Variants in KAT6A observed in about 807,000 individuals in gnomAD.
KAT6A encodes histone acetyltransferase KAT6A.
Under a neutral mutation model 198.4 loss-of-function variants are expected in KAT6A, and 9 were observed. The observed-to-expected ratio is 0.05, with a 90% CI of 0.03 to 0.08. The LOEUF is 0.08. Ranked by LOEUF, KAT6A falls within the 10% of genes least tolerant of loss-of-function variation. The pLI, the probability that KAT6A is intolerant of heterozygous loss-of-function variation, is 1.00. For synonymous variants in KAT6A, 890 were observed against 883.0 expected (o/e 1.01, Z -0.14); for missense variants, 2,077 against 2,509.9 (o/e 0.83, Z 3.69).
At chr8:41,937,182 T>C (rs1243460242) in intron 16 of KAT6A, 74 bp downstream of exon 16, 1 of 1,182,222 alleles carries the variant, frequency 8.5e-7, no homozygotes, top group Non-Finnish European at 1.2e-6. Context: ...GCCTTTTTAC[T>C]GAAGGGTCTG....
At position 41,934,873 on chromosome 8, in the gene KAT6A, C is replaced by T. The variant is rs1408041688; in HGVS notation, c.3353-6G>A. The T allele has an allele frequency of 6.4e-7, 1 of 1,573,916 alleles. No homozygotes were observed. The highest frequency in any genetic ancestry group is 8.6e-7 in the Non-Finnish European group (1 of 1,164,828). On this transcript the variant is annotated splice_region_variant and splice_polypyrimidine_tract_variant and intron_variant, in intron 16 of 16. Coordinates refer to ENST00000265713, the MANE Select transcript of KAT6A (RefSeq NM_006766.5). The stretch of plus-strand genomic sequence containing the variant: ...TGGCTTTAAGATAGGAGTGTCTATA[C>T]AGGAAGGAAAAAAAACAAAGACAGG...
chr8:41,982,246 A>C (rs1303153664), intron 3 of KAT6A, among the ~76,000 whole-genome samples: 3 of 152,082 alleles, frequency 2.0e-5, no homozygotes, highest in African/African-American at 7.2e-5. Flanking sequence ...ATGTGTGTAC[A>C]TATCCGGTAT....
rs539526439 is a variant in KAT6A, at chr8:42,003,895, A to C, written c.601-16332T>G. 2.0e-5 allele frequency among the ~76,000 whole-genome samples: 3 copies of C among 152,204 alleles called. 1 individual carries two copies. Among genetic ancestry groups the C allele is most frequent in the East Asian group, 1.9e-4 (1 of 5,198 alleles). On this transcript the variant is annotated intron_variant, in intron 2 of 16. Coordinates refer to ENST00000265713, the MANE Select transcript of KAT6A (RefSeq NM_006766.5). The stretch of plus-strand genomic sequence containing the variant: ...CAAAAAGGTGACCATCTGCAAGACA[A>C]GGAGAGAGGATAACCTTGCCGGTGC...
chr8:42,046,339 CA>C (rs1802292101), intron 2 of KAT6A, among the ~76,000 whole-genome samples: 1 of 152,098 alleles, frequency 6.6e-6, no homozygotes. Flanking sequence ...AGTTCGAGAC[CA>C]GCCTGGCCAA....
intron 2 of KAT6A, among the ~76,000 whole-genome samples, chr8:41,997,177 A>T (rs892052618): frequency 7.2e-5 from 11 of 152,314 alleles, no homozygotes; most frequent in Non-Finnish European, 1.3e-4. Flanking sequence ...AAAATGGTAA[A>T]TTTTTATATA....
At chr8:41,962,538 A>G (rs1285713399) in intron 8 of KAT6A, among the ~76,000 whole-genome samples, 1 of 151,774 alleles carries the variant, frequency 6.6e-6, no homozygotes, top group Non-Finnish European at 1.5e-5. Flanking sequence ...CCATGATCCA[A>G]ACACCATGTC....
intron 8 of KAT6A, among the ~76,000 whole-genome samples, chr8:41,972,344 A>G (rs993947672): frequency 1.3e-5 from 2 of 152,232 alleles, no homozygotes; most frequent in Non-Finnish European, 2.9e-5. Context: ...TGGTAGATAA[A>G]AGTTTGATGA....
chr8:42,036,215 T>C (rs1827370617), intron 2 of KAT6A, among the ~76,000 whole-genome samples: 1 of 152,026 alleles, frequency 6.6e-6, no homozygotes, highest in African/African-American at 2.4e-5. Context: ...CAGAACAGAC[T>C]ATACACAGAC....
chr8:42,017,695 C>T (rs893644624), intron 2 of KAT6A, among the ~76,000 whole-genome samples: 1 of 152,094 alleles, frequency 6.6e-6, no homozygotes, highest in African/African-American at 2.4e-5. Context: ...GCAATAAAGG[C>T]AAGGAAGCCC....
chr8:41,934,768 C>G lies in KAT6A; in HGVS notation c.3452G>C (p.Gly1151Ala). ...DTSTPLKKKK[G>A]WPKGKSRKPI... Reference sequence around the variant, plus strand: ...TTTGCGGCTCTTGCCTTTGGGCCATCCCTTTTTCTTTTTCAAAGGTGTGGA... The same window carrying G: ...TTTGCGGCTCTTGCCTTTGGGCCATGCCTTTTTCTTTTTCAAAGGTGTGGA... The change falls in exon 17 of 17, where the codon GGA (glycine) becomes GCA (alanine). Residue 1151 changes from glycine (G) to alanine (A), a missense_variant. This residue lies in a region of KAT6A where 375 missense variants were observed against 383.0 expected (regional missense o/e 0.98). Coordinates refer to ENST00000265713, the MANE Select transcript of KAT6A (RefSeq NM_006766.5). The G allele has an allele frequency of 6.2e-7, 1 of 1,614,040 alleles. No individual in the cohort carries two copies. The highest frequency in any genetic ancestry group is 8.5e-7 in the Non-Finnish European group (1 of 1,180,026).
At chr8:41,947,642 G>A (rs1587728361) in intron 11 of KAT6A, 109 bp downstream of exon 11, 1 of 829,678 alleles carries the variant, frequency 1.2e-6, no homozygotes, top group East Asian at 2.8e-5. Context: ...CAAACAGCTA[G>A]ATGACACCTA....
chr8:42,043,256 T>C (rs1411221600), intron 2 of KAT6A, among the ~76,000 whole-genome samples: 1 of 152,222 alleles, frequency 6.6e-6, no homozygotes, highest in East Asian at 1.9e-4. Flanking sequence ...GTAATATCTA[T>C]ATTTCAAAAA....
At chr8:41,979,900 G>T (rs1185885014) in intron 5 of KAT6A, among the ~76,000 whole-genome samples, 1 of 152,190 alleles carries the variant, frequency 6.6e-6, no homozygotes, top group East Asian at 1.9e-4. Context: ...ATGGGAGGCT[G>T]AGGCAGAGAA....
At chr8:42,046,278 G>A (rs1277159067) in intron 2 of KAT6A, among the ~76,000 whole-genome samples, 1 of 152,206 alleles carries the variant, frequency 6.6e-6, no homozygotes, top group Non-Finnish European at 1.5e-5. Flanking sequence ...GCTCAAGCCT[G>A]TAATCCCAAC....
chr8:41,968,299 G>C (rs1258885018), intron 8 of KAT6A, among the ~76,000 whole-genome samples: 23 of 151,812 alleles, frequency 1.5e-4, no homozygotes, highest in South Asian at 4.2e-4. Flanking sequence ...ACAACCCCAT[G>C]AAAAAGTGGG....
intron 2 of KAT6A, among the ~76,000 whole-genome samples, chr8:42,015,144 T>C (rs969370339): frequency 3.3e-5 from 5 of 152,236 alleles, no homozygotes; most frequent in Non-Finnish European, 1.5e-5. Flanking sequence ...GCCAATGTTA[T>C]CCACAAAAAC....
intron 2 of KAT6A, among the ~76,000 whole-genome samples, chr8:42,016,579 A>G (rs1826280583): frequency 6.6e-6 from 1 of 152,224 alleles, no homozygotes; most frequent in African/African-American, 2.4e-5. Flanking sequence ...TGTAAATACA[A>G]AAGTCAAACT....
chr8:41,982,862 T>C (rs935062336), intron 3 of KAT6A, among the ~76,000 whole-genome samples: 15 of 152,216 alleles, frequency 9.9e-5, no homozygotes, highest in Admixed American at 9.2e-4. Context: ...CTTTATTATA[T>C]GTATGTATGC....
At chr8:42,027,842 T>C (rs908564667) in intron 2 of KAT6A, among the ~76,000 whole-genome samples, 9 of 152,174 alleles carry the variant, frequency 5.9e-5, no homozygotes, top group African/African-American at 2.2e-4. Context: ...TTCTTAACTT[T>C]TCTAGTTCCC....
Sources: allele counts gnomAD v4.1 joint callset (sites outside exome capture counted in the v4.1 genomes callset), GRCh38; gene constraint gnomAD v4.1.1; regional missense constraint gnomAD v4.1.1; transcripts MANE v1.5; gene names NCBI Gene and HGNC (gene_info 2026-07-23, HGNC 2026-07-21).